ADAMTSL3: variants seen among roughly 807,000 people sequenced by gnomAD.
ADAMTSL3 encodes ADAMTS like 3, also known as ADAMTS-like protein 3.
A neutral mutation model predicts 201.7 loss-of-function variants in ADAMTSL3; 128 were observed. The ratio of observed to expected loss-of-function variants is 0.63; its 90% CI spans 0.55 to 0.73. The LOEUF is 0.73. Among genes scored for constraint, ADAMTSL3 ranks in the 30% least tolerant of loss-of-function variants. ADAMTSL3 has a pLI of 0.00. For synonymous variants in ADAMTSL3, 738 were observed against 748.4 expected, an observed-to-expected ratio of 0.99 and a Z score of 0.23; for missense variants, 1,990 against 2,119.6, an observed-to-expected ratio of 0.94 and a Z score of 1.20.
intron 6 of ADAMTSL3, among the ~76,000 whole-genome samples, chr15:83,822,330 C>T (rs1378961318): frequency 1.5e-5 from 2 of 130,670 alleles, no homozygotes; most frequent in Admixed American, 7.4e-5. Context: ...GGGCGGCTGC[C>T]GGGCGGAGGG....
intron 4 of ADAMTSL3, among the ~76,000 whole-genome samples, chr15:83,785,580 C>T (rs1275515094): frequency 1.3e-5 from 2 of 152,074 alleles, no homozygotes; most frequent in Non-Finnish European, 2.9e-5. Flanking sequence ...AAGGCCATGT[C>T]TAGCTGTCAG....
chr15:83,739,419 C>T (rs2062419550), intron 3 of ADAMTSL3, among the ~76,000 whole-genome samples: 1 of 149,028 alleles, frequency 6.7e-6, no homozygotes, highest in East Asian at 2.0e-4. Context: ...TGTGAACGGT[C>T]ACAGTTAAAA....
At chr15:83,851,636 A>G (rs926101852) in intron 7 of ADAMTSL3, among the ~76,000 whole-genome samples, 22 of 152,334 alleles carry the variant, frequency 1.4e-4, no homozygotes, top group Middle Eastern at 3.4e-3. Flanking sequence ...TTGTAAAAAA[A>G]ATCCAGAATA....
At chr15:83,676,098 G>C (rs1383964430) in intron 2 of ADAMTSL3, among the ~76,000 whole-genome samples, 1 of 151,202 alleles carries the variant, frequency 6.6e-6, no homozygotes, top group Non-Finnish European at 1.5e-5. Flanking sequence ...TTCTATTTCA[G>C]TGAATTTTGC....
chr15:84,037,060 G>A (rs1187189670), intron 29 of ADAMTSL3, 73 bp downstream of exon 29: 12 of 1,464,142 alleles, frequency 8.2e-6, no homozygotes, highest in Non-Finnish European at 8.5e-6. Context: ...CTACCATCAC[G>A]GCACCAAACC....
At chr15:83,715,401 A>C (rs2062003438) in intron 3 of ADAMTSL3, among the ~76,000 whole-genome samples, 1 of 152,206 alleles carries the variant, frequency 6.6e-6, no homozygotes, top group African/African-American at 2.4e-5. Context: ...ATTATGTGGA[A>C]ATTAACATAT....
intron 17 of ADAMTSL3, among the ~76,000 whole-genome samples, chr15:83,934,514 A>G (rs991934285): frequency 3.9e-5 from 6 of 152,348 alleles, no homozygotes; most frequent in Admixed American, 1.3e-4. Flanking sequence ...TTTTAGGCCA[A>G]TGCTGGAATG....
chr15:84,025,362 G>A lies in ADAMTSL3; in HGVS notation c.4582G>A (p.Ala1528Thr). ...GCAGGTGGTGTCTCCAAGAGCATGT[G>A]CCCCTAAAGACCGGCCTCTGGGAAG... is the stretch of plus-strand genomic sequence containing the variant. The part of the protein sequence containing the change: ...TVQVVSPRAC[A>T]PKDRPLGRKP... Residue 1528 changes from alanine to threonine, a missense_variant, in exon 27 of 30, where the codon GCC becomes ACC. Physicochemically the swap from Ala to Thr is moderately conservative, Grantham distance 58. Transcript: ENST00000286744. 1 of 1,614,134 alleles carries A rather than the reference G, an allele frequency of 6.2e-7. No homozygotes were observed. Among genetic ancestry groups the A allele is most frequent in the Non-Finnish European group, 8.5e-7 (1 of 1,180,018 alleles).
Position 83,889,878 on chromosome 15 carries a change from C to A in ADAMTSL3, c.1073-231C>A, listed in dbSNP as rs555679925. Among the ~76,000 whole-genome samples, 10 of 152,266 alleles carry A rather than the reference C, an allele frequency of 6.6e-5. No individual in the cohort carries two copies. The East Asian group carries it at 1.9e-3, about 29-fold the overall frequency. On this transcript the variant is annotated intron_variant, in intron 10 of 29. Transcript: ENST00000286744. ...ACCTGAGAATCTTTTTAAAAAGATACTGTTTTCCTGGATCCCAGCCACAGG... is the reference window on the plus strand; with the variant it reads ...ACCTGAGAATCTTTTTAAAAAGATAATGTTTTCCTGGATCCCAGCCACAGG...
chr15:84,014,831 G>T, intron 24 of ADAMTSL3, 107 bp downstream of exon 24: 1 of 1,150,904 alleles, frequency 8.7e-7, no homozygotes. Flanking sequence ...GACATCAGAT[G>T]GTTTTAACCA....
intron 17 of ADAMTSL3, among the ~76,000 whole-genome samples, chr15:83,932,803 CAAAATTTTTTA>C: frequency 6.6e-6 from 1 of 152,204 alleles, no homozygotes; most frequent in African/African-American, 2.4e-5. Flanking sequence ...AGCTCATAAT[CAAAATTTTTTA>C]AAAACACATG....
intron 26 of ADAMTSL3, among the ~76,000 whole-genome samples, chr15:84,023,611 C>G (rs2068245271): frequency 6.6e-6 from 1 of 152,192 alleles, no homozygotes; most frequent in Non-Finnish European, 1.5e-5. Flanking sequence ...CTTGGAGTAA[C>G]CTGATTGAGA....
chr15:83,696,765 C>T (rs952027736), intron 2 of ADAMTSL3, among the ~76,000 whole-genome samples: 3 of 152,198 alleles, frequency 2.0e-5, no homozygotes, highest in Admixed American at 6.5e-5. Context: ...GACAAGGAGG[C>T]AGATTGTGAG....
intron 27 of ADAMTSL3, among the ~76,000 whole-genome samples, chr15:84,028,780 A>G (rs906579432): frequency 6.6e-6 from 1 of 152,250 alleles, no homozygotes; most frequent in Non-Finnish European, 1.5e-5. Context: ...ATAATCCTCA[A>G]TATCCCCACA....
intron 4 of ADAMTSL3, among the ~76,000 whole-genome samples, chr15:83,784,972 G>A (rs1353170403): frequency 6.6e-6 from 1 of 152,060 alleles, no homozygotes; most frequent in African/African-American, 2.4e-5. Context: ...TTAATTGTGT[G>A]TGTGTGCACA....
At chr15:83,731,540 C>T (rs1386553638) in intron 3 of ADAMTSL3, among the ~76,000 whole-genome samples, 2 of 151,952 alleles carry the variant, frequency 1.3e-5, no homozygotes, top group African/African-American at 4.8e-5. Flanking sequence ...TATAATCTAG[C>T]ACTCATGATT....
chr15:83,751,930 A>G lies in ADAMTSL3; in HGVS notation c.190-21593A>G, dbSNP rs562022060. Among the ~76,000 whole-genome samples, 4 of 152,380 alleles carry G rather than the reference A, an allele frequency of 2.6e-5. 1 individual carries two copies. The South Asian group carries it at 6.2e-4, about 24-fold the overall frequency. On this transcript the variant is annotated intron_variant, in intron 3 of 29. Transcript: ENST00000286744. Reference sequence around the variant, plus strand: ...TTGACAAGGAGTAAAAATCATCAATAGTAGCGTGAGAAATGTGAAAAGATT... The same window carrying G: ...TTGACAAGGAGTAAAAATCATCAATGGTAGCGTGAGAAATGTGAAAAGATT...
intron 16 of ADAMTSL3, among the ~76,000 whole-genome samples, chr15:83,916,458 AT>A (rs2141970207): frequency 6.6e-6 from 1 of 152,350 alleles, no homozygotes; most frequent in East Asian, 1.9e-4. Context: ...TAGCTGAACT[AT>A]AAGTACATGT....
intron 5 of ADAMTSL3, among the ~76,000 whole-genome samples, chr15:83,805,325 A>G (rs1352085914): frequency 1.3e-5 from 2 of 152,186 alleles, no homozygotes; most frequent in South Asian, 2.1e-4. Context: ...TGGGAGGCCA[A>G]GGCAGGCAGA....
Sources: gnomAD v4.1 joint callset for allele counts (sites outside exome capture counted in the v4.1 genomes callset) on GRCh38, gnomAD v4.1.1 for gene constraint, MANE v1.5 for transcripts, NCBI Gene and HGNC (gene_info 2026-07-23, HGNC 2026-07-21) for gene names.